Variants in CLVS1 observed in about 807,000 individuals in gnomAD.
The protein encoded by CLVS1 is clavesin-1.
Under a neutral mutation model 33.1 loss-of-function variants are expected in CLVS1, and 10 were observed. The ratio of observed to expected loss-of-function variants is 0.30; its 90% CI spans 0.19 to 0.51. CLVS1 has a LOEUF of 0.51. Among genes scored for constraint, CLVS1 ranks in the 20% least tolerant of loss-of-function variants. CLVS1 has a pLI of 0.97. For synonymous variants in CLVS1, 163 were observed against 166.1 expected, an observed-to-expected ratio of 0.98 and a Z score of 0.14; for missense variants, 343 against 433.4, an observed-to-expected ratio of 0.79 and a Z score of 1.85.
chr8:61,453,602 C>T (rs986748482), intron 3 of CLVS1, among the ~76,000 whole-genome samples: 1 of 152,116 alleles, frequency 6.6e-6, no homozygotes, highest in African/African-American at 2.4e-5. Context: ...ACCTTGTTAG[C>T]ATTTGGTTGA....
At chr8:61,272,658 C>T (rs1326641675) in intron 2 of CLVS1, among the ~76,000 whole-genome samples, 3 of 152,166 alleles carry the variant, frequency 2.0e-5, no homozygotes, top group African/African-American at 7.2e-5. Context: ...GGTCTTTTCA[C>T]GTAGTCCCAT....
At chr8:61,044,460 A>G in the CLVS1 span, among the ~76,000 whole-genome samples, 2 of 152,034 alleles carry the variant, frequency 1.3e-5, no homozygotes, top group Admixed American at 1.3e-4. Flanking sequence ...CACATCCTGG[A>G]TTGGGCTTGA....
intron 3 of CLVS1, among the ~76,000 whole-genome samples, chr8:61,391,616 CAAG>C (rs1170470119): frequency 1.3e-5 from 2 of 151,950 alleles, no homozygotes; most frequent in African/African-American, 4.8e-5. Flanking sequence ...GTGAAATAAC[CAAG>C]AAGATTAAGC....
chr8:61,112,044 T>C (rs998704308), intron 1 of CLVS1, among the ~76,000 whole-genome samples: 5 of 152,226 alleles, frequency 3.3e-5, no homozygotes, highest in African/African-American at 1.2e-4. Flanking sequence ...AACAAAGGAA[T>C]ATGAATAGTT....
intron 2 of CLVS1, among the ~76,000 whole-genome samples, chr8:61,262,865 C>G (rs190501095): frequency 6.6e-6 from 1 of 152,168 alleles, no homozygotes; most frequent in African/African-American, 2.4e-5. Flanking sequence ...AAACAGCACT[C>G]GTTGCTCTAG....
intron 2 of CLVS1, among the ~76,000 whole-genome samples, chr8:61,196,046 C>A (rs1164802055): frequency 6.6e-6 from 1 of 151,676 alleles, no homozygotes; most frequent in Non-Finnish European, 1.5e-5. Context: ...TCCAAATCTT[C>A]AAAATAGGAT....
At chr8:61,329,876 A>G (rs966937891) in intron 2 of CLVS1, among the ~76,000 whole-genome samples, 3 of 152,048 alleles carry the variant, frequency 2.0e-5, no homozygotes, top group African/African-American at 7.3e-5. Flanking sequence ...TGACTGCTCT[A>G]TGCACCCAGT....
chr8:61,206,715 A>G (rs891096239), intron 2 of CLVS1, among the ~76,000 whole-genome samples: 12 of 150,932 alleles, frequency 8.0e-5, no homozygotes, highest in Admixed American at 2.0e-4. Context: ...CAGCCTCCCG[A>G]GTAGCTGGGA....
chr8:61,002,499 T>A, the CLVS1 span, among the ~76,000 whole-genome samples: 1 of 151,820 alleles, frequency 6.6e-6, no homozygotes, highest in Admixed American at 6.6e-5. Flanking sequence ...CGGCTAAATT[T>A]TTTTTGTATT....
chr8:61,426,101 G>A (rs1032029632), intron 3 of CLVS1, among the ~76,000 whole-genome samples: 5 of 152,184 alleles, frequency 3.3e-5, no homozygotes, highest in South Asian at 2.1e-4. Context: ...AGCCTGGCAC[G>A]CTTCCATCTC....
chr8:61,326,311 G>A (rs1811383228), intron 2 of CLVS1, among the ~76,000 whole-genome samples: 1 of 152,180 alleles, frequency 6.6e-6, no homozygotes, highest in Admixed American at 6.5e-5. Flanking sequence ...GTTCTTTCCT[G>A]ACTTTTGGTG....
At chr8:61,481,775 G>A (rs1818204297) in intron 5 of CLVS1, among the ~76,000 whole-genome samples, 1 of 152,210 alleles carries the variant, frequency 6.6e-6, no homozygotes, top group African/African-American at 2.4e-5. Context: ...CTGGGGGCAG[G>A]GTATAGCTGA....
At chr8:61,015,613 A>C in the CLVS1 span, among the ~76,000 whole-genome samples, 2 of 152,238 alleles carry the variant, frequency 1.3e-5, no homozygotes, top group Non-Finnish European at 2.9e-5. Context: ...GAAGAGCTTC[A>C]CCATCCTGAA....
chr8:61,079,052 G>A (rs1036304541), intron 1 of CLVS1, among the ~76,000 whole-genome samples: 7 of 151,980 alleles, frequency 4.6e-5, no homozygotes, highest in Non-Finnish European at 8.8e-5. Context: ...ACATCAAAAC[G>A]TCTTTCTCTG....
chr8:61,050,596 G>A, the CLVS1 span, among the ~76,000 whole-genome samples: 1 of 152,256 alleles, frequency 6.6e-6, no homozygotes, highest in Non-Finnish European at 1.5e-5. Context: ...CACGTATCAG[G>A]CAGTCTCCAT....
intron 2 of CLVS1, among the ~76,000 whole-genome samples, chr8:61,164,763 G>C (rs915892921): frequency 6.6e-6 from 1 of 152,088 alleles, no homozygotes; most frequent in African/African-American, 2.4e-5. Flanking sequence ...TCTGTATGGG[G>C]GAGCTGTTTT....
intron 2 of CLVS1, among the ~76,000 whole-genome samples, chr8:61,198,906 T>G (rs1807671066): frequency 6.6e-6 from 1 of 152,218 alleles, no homozygotes; most frequent in African/African-American, 2.4e-5. Flanking sequence ...TTTCATTCTT[T>G]TCCAAGGGTG....
intron 5 of CLVS1, among the ~76,000 whole-genome samples, chr8:61,474,787 A>G (rs1188730494): frequency 1.3e-5 from 2 of 151,928 alleles, no homozygotes; most frequent in African/African-American, 4.8e-5. Flanking sequence ...CCAGTGAAGC[A>G]GGGCAAGTCT....
intron 2 of CLVS1, among the ~76,000 whole-genome samples, chr8:61,302,504 T>G (rs1360311412): frequency 6.6e-6 from 1 of 152,204 alleles, no homozygotes. Flanking sequence ...ATTGTTCAGC[T>G]GGATGCTTAG....
Sources: allele counts gnomAD v4.1 joint callset (sites outside exome capture counted in the v4.1 genomes callset), GRCh38; gene constraint gnomAD v4.1.1; transcripts MANE v1.5; gene names NCBI Gene and HGNC (gene_info 2026-07-23, HGNC 2026-07-21).